PRDM12: variants seen among roughly 807,000 people sequenced by gnomAD.
PRDM12 encodes the protein PR domain zinc finger protein 12.
A neutral mutation model predicts 29.6 loss-of-function variants in PRDM12; 17 were observed. The ratio of observed to expected loss-of-function variants is 0.57; its 90% confidence interval spans 0.39 to 0.86. PRDM12 has a LOEUF of 0.86. Ranked by LOEUF, PRDM12 falls within the 40% of genes least tolerant of loss-of-function variation. PRDM12 has a pLI of 0.00. For missense variants in PRDM12, 422 were observed against 510.8 expected (o/e 0.83, Z 1.68); for synonymous variants, 231 against 225.8 (o/e 1.02, Z -0.21).
At chr9:130,680,815 G>T (rs975626930) in intron 4 of PRDM12, among the ~76,000 whole-genome samples, 2 of 151,528 alleles carry the variant, frequency 1.3e-5, no homozygotes, top group African/African-American at 4.9e-5. Context: ...CATCACAGTT[G>T]CTCCCCTTTA....
In PRDM12 at chr9:130,681,227, C is replaced by T; in HGVS notation, c.683-21C>T. ...CCCTTCTCCGTCTCCCTTCCCCCGCCCCGCCCCGCCCCGCGGCCAGAGGAC... is the reference window on the plus strand; with the variant it reads ...CCCTTCTCCGTCTCCCTTCCCCCGCTCCGCCCCGCCCCGCGGCCAGAGGAC... On this transcript the variant is annotated intron_variant, in intron 4 of 4. Transcript: ENST00000253008. This position sits in a 1 kb window ranked among gnomAD's most constrained non-coding sequence, Gnocchi z 8.1. The T allele has an allele frequency of 6.9e-7, 1 of 1,441,438 alleles. No homozygotes were observed. Among genetic ancestry groups the T allele is most frequent in the South Asian group, 1.4e-5 (1 of 71,652 alleles). The allele number at this position is 1,441,438 out of a possible 1,614,324, so 89.3% of individuals were successfully genotyped here. A position where few individuals can be genotyped will look rare whatever the true frequency, so the allele number is the denominator to read the frequency against.
chr9:130,680,659 A>ATATATATATATATATATT, intron 4 of PRDM12, among the ~76,000 whole-genome samples: 38 of 72,136 alleles, frequency 5.3e-4, no homozygotes, highest in East Asian at 1.3e-3. Flanking sequence ...ATATATATAT[A>ATATATATATATATATATT]TTTTTTTTTT....
Position 130,664,994 on chromosome 9 carries a change from G to A in PRDM12, c.223+118G>A. 2 of 1,052,114 alleles carry A rather than the reference G, an allele frequency of 1.9e-6. No individual in the cohort carries two copies. Among genetic ancestry groups the A allele is most frequent in the Non-Finnish European group, 2.7e-6 (2 of 746,382 alleles). The allele number at this position is 1,052,114 out of a possible 1,614,324, so 65.2% of individuals were successfully genotyped here. A position where few individuals can be genotyped will look rare whatever the true frequency, so the allele number is the denominator to read the frequency against. On this transcript the variant is annotated intron_variant, in intron 1 of 4. Coordinates refer to ENST00000253008, the MANE Select transcript of PRDM12 (RefSeq NM_021619.3). This position sits in a 1 kb window ranked among gnomAD's most constrained non-coding sequence, Gnocchi z 6.4. ...GCCTCGCTGCTACTCGCGCCAACCT[G>A]GGCTCTCCCGGCGCTCGGTGCACCT...
rs1830717562 is a variant in PRDM12 at position 130,664,918 on chromosome 9, G to C, written c.223+42G>C. ...GAGCCCGGCGCAATCCCTCCTCCCG[G>C]CGACCCCCATTCCCGTCCTGGCGAT... is the stretch of plus-strand genomic sequence containing the variant. On this transcript the variant is annotated intron_variant, in intron 1 of 4. Transcript: ENST00000253008. The surrounding 1 kb of genome is among the most constrained non-coding windows in gnomAD (Gnocchi z 6.4). 6.7e-7 allele frequency: 1 copy of C among 1,482,948 alleles called. No homozygotes were observed. Among genetic ancestry groups the C allele is most frequent in the Non-Finnish European group, 9.0e-7 (1 of 1,109,192 alleles). 91.9% of individuals were successfully genotyped at this position (1,482,948 alleles called of 1,614,324 possible). A position where few individuals can be genotyped will look rare whatever the true frequency, so the allele number is the denominator to read the frequency against.
chr9:130,674,010 C>CTTTT (rs35863613), intron 3 of PRDM12, among the ~76,000 whole-genome samples: 1,204 of 71,850 alleles, frequency 0.017, 1 homozygote, highest in Non-Finnish European at 0.022. Context: ...TTCTTTCTTT[C>CTTTT]TTTTTTTTTT....
In PRDM12 at chr9:130,669,915, A is replaced by T. The variant is rs576950275; in HGVS notation, c.570+1602A>T. On this transcript the variant is annotated intron_variant, in intron 3 of 4. Coordinates refer to ENST00000253008, the MANE Select transcript of PRDM12 (RefSeq NM_021619.3). ...GGAAGGTTCAGAGGAGGGTGGGAAG[A>T]GGAGGGTGGGAAGAGGAGGGCTTCC... Among the ~76,000 whole-genome samples, 10 of 146,958 alleles carry T rather than the reference A, an allele frequency of 6.8e-5. No homozygotes were observed. In the East Asian group the frequency reaches 2.1e-3, roughly 31 times the overall value.
Position 130,681,700 on chromosome 9 carries a change from G to C in PRDM12, c.*31G>C, listed in dbSNP as rs1394287595. The C allele has an allele frequency of 1.0e-6, 1 of 979,582 alleles. No individual in the cohort carries two copies. The highest frequency in any genetic ancestry group is 1.8e-5 in the African/African-American group (1 of 56,500). 60.7% of individuals were successfully genotyped at this position (979,582 alleles called of 1,614,324 possible). A position where few individuals can be genotyped will look rare whatever the true frequency, so the allele number is the denominator to read the frequency against. ...CCCGCGCCCCCGCCGGGCCCCGCGC[G>C]CTCCTGGGTCCCCGGCACCCCGGCC... On this transcript the variant is annotated 3_prime_UTR_variant, in exon 5 of 5. Coordinates refer to ENST00000253008, the MANE Select transcript of PRDM12 (RefSeq NM_021619.3). The surrounding 1 kb of genome is among the most constrained non-coding windows in gnomAD (Gnocchi z 8.1).
In PRDM12 at chr9:130,664,921, A is replaced by AC. The variant is rs1830717669; in HGVS notation, c.223+50dup. ...CCCGGCGCAATCCCTCCTCCCGGCG[A>AC]CCCCCATTCCCGTCCTGGCGATGCG... On this transcript the variant is annotated intron_variant, in intron 1 of 4. Coordinates refer to ENST00000253008, the MANE Select transcript of PRDM12 (RefSeq NM_021619.3). This position sits in a 1 kb window ranked among gnomAD's most constrained non-coding sequence, Gnocchi z 6.4. 3 of 1,471,534 alleles carry AC rather than the reference A, an allele frequency of 2.0e-6. No individual in the cohort carries two copies. The highest frequency in any genetic ancestry group is 1.4e-5 in the African/African-American group (1 of 70,528). 91.2% of individuals were successfully genotyped at this position (1,471,534 alleles called of 1,614,324 possible).
chr9:130,681,220 C>T lies in PRDM12; in HGVS notation c.683-28C>T, dbSNP rs780695689. ...CTCTCTCCCCTTCTCCGTCTCCCTT[C>T]CCCCGCCCCGCCCCGCCCCGCGGCC... is the stretch of plus-strand genomic sequence containing the variant. On this transcript the variant is annotated intron_variant, in intron 4 of 4. Coordinates refer to ENST00000253008, the MANE Select transcript of PRDM12 (RefSeq NM_021619.3). The surrounding 1 kb of genome is among the most constrained non-coding windows in gnomAD (Gnocchi z 8.1). The T allele has an allele frequency of 1.0e-5, 15 of 1,429,448 alleles. No individual in the cohort carries two copies. Among genetic ancestry groups the T allele is most frequent in the African/African-American group, 2.9e-5 (2 of 67,952 alleles). The allele number at this position is 1,429,448 out of a possible 1,614,324, so 88.5% of individuals were successfully genotyped here. A position where few individuals can be genotyped will look rare whatever the true frequency, so the allele number is the denominator to read the frequency against.
Position 130,681,709 on chromosome 9 carries a change from T to TCCCCGGCA in PRDM12, c.*48_*55dup, listed in dbSNP as rs570620367. On this transcript the variant is annotated 3_prime_UTR_variant, in exon 5 of 5. Transcript: ENST00000253008. This position sits in a 1 kb window ranked among gnomAD's most constrained non-coding sequence, Gnocchi z 8.1. Reference sequence around the variant, plus strand: ...CCGCCGGGCCCCGCGCGCTCCTGGGTCCCCGGCACCCCGGCCCCGCAGCGC... The same window carrying TCCCCGGCA: ...CCGCCGGGCCCCGCGCGCTCCTGGGTCCCCGGCACCCCGGCACCCCGGCCCCGCAGCGC... 432 of 978,850 alleles carry TCCCCGGCA rather than the reference T, an allele frequency of 4.4e-4. 2 individuals are homozygous for TCCCCGGCA. In the African/African-American group the frequency reaches 6.0e-3, roughly 14 times the overall value. The allele number at this position is 978,850 out of a possible 1,614,324, so 60.6% of individuals were successfully genotyped here. A position where few individuals can be genotyped will look rare whatever the true frequency, so the allele number is the denominator to read the frequency against.
In PRDM12 at chr9:130,668,853, C is replaced by T. The variant is rs1830759625; in HGVS notation, c.570+540C>T. ...TGGATATGCAGTATGGTATTTAATCCCCACGGGGCCCCAGGAGGAGGATTC... is the reference window on the plus strand; with the variant it reads ...TGGATATGCAGTATGGTATTTAATCTCCACGGGGCCCCAGGAGGAGGATTC... On this transcript the variant is annotated intron_variant, in intron 3 of 4. Coordinates refer to ENST00000253008, the MANE Select transcript of PRDM12 (RefSeq NM_021619.3). This position sits in a 1 kb window ranked among gnomAD's most constrained non-coding sequence, Gnocchi z 4.0. Among the ~76,000 whole-genome samples, 1 of 152,112 alleles carries T rather than the reference C, an allele frequency of 6.6e-6. No individual in the cohort carries two copies. The highest frequency in any genetic ancestry group is 2.1e-4 in the South Asian group (1 of 4,820).
At position 130,681,255 on chromosome 9, in the gene PRDM12, C is replaced by T. The variant is rs774244310; in HGVS notation, c.690C>T (p.Phe230=). The T allele has an allele frequency of 4.8e-6, 7 of 1,471,314 alleles. No individual in the cohort carries two copies. In the South Asian group the frequency reaches 8.0e-5, roughly 17 times the overall value. 91.1% of individuals were successfully genotyped at this position (1,471,314 alleles called of 1,614,324 possible). ...GCCCCGCCCCGCGGCCAGAGGACTT[C>T]CACCCGGCGGACTCGGCGGCTGGCC... ...EDQKKNKHED[F]HPADSAAGPA... Residue 230 remains phenylalanine (F), a synonymous_variant, in exon 5 of 5, where the codon TTC becomes TTT. Coordinates refer to ENST00000253008, the MANE Select transcript of PRDM12 (RefSeq NM_021619.3). The surrounding 1 kb of genome is among the most constrained non-coding windows in gnomAD (Gnocchi z 8.1).
At position 130,664,830 on chromosome 9, in the gene PRDM12, C is replaced by T. The variant is rs1042290788; in HGVS notation, c.177C>T (p.Pro59=). 5.1e-6 allele frequency: 8 copies of T among 1,556,434 alleles called. No individual in the cohort carries two copies. Among genetic ancestry groups the T allele is most frequent in the Admixed American group, 1.9e-5 (1 of 51,866 alleles). The change falls in exon 1 of 5, where the codon CCC becomes CCT. Residue 59 remains proline (P), a synonymous_variant. Coordinates refer to ENST00000253008, the MANE Select transcript of PRDM12 (RefSeq NM_021619.3). The surrounding 1 kb of genome is among the most constrained non-coding windows in gnomAD (Gnocchi z 6.4). ...AGGACAAGAGCCACCACGCCAGCCC[C>T]AAGACAGCCTTCACCGCCGAGGTGC... is the stretch of plus-strand genomic sequence containing the variant. ...LFEDKSHHAS[P]KTAFTAEVLA...
At chr9:130,669,367 A>T (rs1830766354) in intron 3 of PRDM12, among the ~76,000 whole-genome samples, 1 of 151,482 alleles carries the variant, frequency 6.6e-6, no homozygotes, top group South Asian at 2.1e-4. Context: ...AAATACAAAT[A>T]CAAAAATTAG....
chr9:130,679,707 C>T (rs1159271461), intron 4 of PRDM12, among the ~76,000 whole-genome samples: 1 of 152,134 alleles, frequency 6.6e-6, no homozygotes, highest in Non-Finnish European at 1.5e-5. Context: ...GTCACCCAGG[C>T]TGGAGTGCAG....
At chr9:130,674,400 C>T (rs551641297) in intron 3 of PRDM12, among the ~76,000 whole-genome samples, 22 of 152,154 alleles carry the variant, frequency 1.4e-4, no homozygotes, top group African/African-American at 4.8e-4. Context: ...CTACCCACCT[C>T]GGCCTCTCAA....
intron 2 of PRDM12, among the ~76,000 whole-genome samples, 178 bp from the exon 3 acceptor site, chr9:130,667,980 G>A (rs1028012727): frequency 6.6e-6 from 1 of 152,192 alleles, no homozygotes; most frequent in Non-Finnish European, 1.5e-5. Flanking sequence ...CTTCCAGCCG[G>A]CTAGCTTCAG....
intron 3 of PRDM12, among the ~76,000 whole-genome samples, chr9:130,669,404 T>C (rs1336265235): frequency 2.0e-5 from 3 of 151,912 alleles, no homozygotes; most frequent in Admixed American, 6.6e-5. Context: ...ACGCCTGTAA[T>C]CTCAGCTACT....
chr9:130,680,659 A>ATATATATATATATATTTTTTT, intron 4 of PRDM12, among the ~76,000 whole-genome samples: 4 of 72,166 alleles, frequency 5.5e-5, no homozygotes, highest in Non-Finnish European at 8.9e-5. Context: ...ATATATATAT[A>ATATATATATATATATTTTTTT]TTTTTTTTTT....
Sources: gnomAD v4.1 joint callset for allele counts (sites outside exome capture counted in the v4.1 genomes callset) on GRCh38, gnomAD v4.1.1 for gene constraint, Gnocchi (gnomAD v3.1) non-coding constraint, MANE v1.5 for transcripts, NCBI Gene and HGNC (gene_info 2026-07-23, HGNC 2026-07-21) for gene names.